Variants in INPP4B observed in about 807,000 individuals in gnomAD.
INPP4B encodes the protein inositol polyphosphate 4-phosphatase type II.
In INPP4B, 55 loss-of-function variants were observed where a neutral mutation model predicts 122.5. The observed-to-expected ratio is 0.45, with a 90% CI of 0.36 to 0.56. The LOEUF is 0.56. Among genes scored for constraint, INPP4B ranks in the 20% least tolerant of loss-of-function variants. INPP4B has a pLI of 0.00. For missense variants in INPP4B, 1,000 were observed against 1,097.7 expected (o/e 0.91, Z 1.26); for synonymous variants, 403 against 388.7 (o/e 1.04, Z -0.43).
At chr4:142,822,351 AG>A (rs1392599685) in intron 1 of INPP4B, among the ~76,000 whole-genome samples, 4 of 152,178 alleles carry the variant, frequency 2.6e-5, no homozygotes, top group African/African-American at 4.8e-5. Context: ...TGTGCCTTAA[AG>A]CAGGGGTTCC....
At position 142,301,407 on chromosome 4, in the gene INPP4B, G is replaced by A. The variant is rs982605515; in HGVS notation, c.503+4051C>T. On this transcript the variant is annotated intron_variant, in intron 9 of 25. Coordinates refer to ENST00000262992, the MANE Select transcript of INPP4B (RefSeq NM_001101669.3). ...AAATGGACAAGGAAGAAAAAATTCC[G>A]TTAGATCTTGAGCTTCCTACTAGGT... Among the ~76,000 whole-genome samples the A allele has an allele frequency of 7.2e-5, 11 of 152,060 alleles. No homozygotes were observed. The East Asian group carries it at 7.7e-4, about 11-fold the overall frequency.
chr4:142,104,134 C>T (rs1033665070), intron 23 of INPP4B, among the ~76,000 whole-genome samples: 1 of 151,914 alleles, frequency 6.6e-6, no homozygotes, highest in Non-Finnish European at 1.5e-5. Context: ...AAGATATGGG[C>T]ATTATTAGAG....
At chr4:142,689,501 C>T (rs1759847085) in intron 2 of INPP4B, among the ~76,000 whole-genome samples, 2 of 152,210 alleles carry the variant, frequency 1.3e-5, no homozygotes, top group African/African-American at 4.8e-5. Context: ...TGCTGAATTG[C>T]CCATGATAAC....
chr4:142,266,099 A>G (rs542473784), intron 10 of INPP4B, among the ~76,000 whole-genome samples: 1 of 152,216 alleles, frequency 6.6e-6, no homozygotes, highest in African/African-American at 2.4e-5. Flanking sequence ...TTATCTGCCT[A>G]TTTCTGCTCT....
At chr4:142,807,068 T>C (rs1778955864) in intron 1 of INPP4B, among the ~76,000 whole-genome samples, 1 of 152,196 alleles carries the variant, frequency 6.6e-6, no homozygotes, top group Non-Finnish European at 1.5e-5. Context: ...GCTATAAATT[T>C]TTTGTGTTTG....
intron 2 of INPP4B, among the ~76,000 whole-genome samples, chr4:142,569,691 C>T (rs1732401841): frequency 6.6e-6 from 1 of 152,040 alleles, no homozygotes; most frequent in Non-Finnish European, 1.5e-5. Context: ...AGATTCATTG[C>T]AATGTAAAAG....
intron 2 of INPP4B, among the ~76,000 whole-genome samples, chr4:142,482,506 G>A (rs1422132914): frequency 1.3e-5 from 2 of 152,074 alleles, no homozygotes; most frequent in African/African-American, 4.8e-5. Flanking sequence ...AAAACAAAAT[G>A]TATTGATCAC....
chr4:142,823,241 T>C (rs1331726472), intron 1 of INPP4B, among the ~76,000 whole-genome samples: 1 of 152,178 alleles, frequency 6.6e-6, no homozygotes, highest in Admixed American at 6.5e-5. Flanking sequence ...TTCCCCAAGA[T>C]ATTAATGAAG....
intron 18 of INPP4B, among the ~76,000 whole-genome samples, chr4:142,136,474 C>T (rs575020956): frequency 3.9e-5 from 6 of 152,250 alleles, no homozygotes; most frequent in African/African-American, 1.4e-4. Flanking sequence ...ATTGGTCTCA[C>T]ACTCACAGCC....
At position 142,208,866 on chromosome 4, in the gene INPP4B, T is replaced by G. The variant is rs557731696; in HGVS notation, c.967+30A>C. Reference sequence around the variant, plus strand: ...TTCACATGCAGGAAATGCAATTCACTTTGAGTAAGTAGAGAAATTGCTTCC... The same window carrying G: ...TTCACATGCAGGAAATGCAATTCACGTTGAGTAAGTAGAGAAATTGCTTCC... On this transcript the variant is annotated intron_variant, in intron 13 of 25. Transcript: ENST00000262992. 5.5e-6 allele frequency: 8 copies of G among 1,454,354 alleles called. No individual in the cohort carries two copies. In the South Asian group the frequency reaches 1.1e-4, roughly 21 times the overall value. 90.1% of individuals were successfully genotyped at this position (1,454,354 alleles called of 1,614,324 possible).
Position 142,086,264 on chromosome 4 carries a change from G to C in INPP4B, c.2375-8C>G. 2 of 1,445,608 alleles carry C rather than the reference G, an allele frequency of 1.4e-6. No individual in the cohort carries two copies. The highest frequency in any genetic ancestry group is 1.9e-6 in the Non-Finnish European group (2 of 1,028,808). 89.5% of individuals were successfully genotyped at this position (1,445,608 alleles called of 1,614,324 possible). A position where few individuals can be genotyped will look rare whatever the true frequency, so the allele number is the denominator to read the frequency against. ...CCTGAAAATGTGAAATATCTGAAGGGGAAAAAACAAAGGAGAAAAATAAAA... is the reference window on the plus strand; with the variant it reads ...CCTGAAAATGTGAAATATCTGAAGGCGAAAAAACAAAGGAGAAAAATAAAA... On this transcript the variant is annotated splice_polypyrimidine_tract_variant and splice_region_variant and intron_variant, in intron 23 of 25. Coordinates refer to ENST00000262992, the MANE Select transcript of INPP4B (RefSeq NM_001101669.3).
chr4:142,344,312 A>C (rs1040205476), intron 7 of INPP4B, among the ~76,000 whole-genome samples: 2 of 135,548 alleles, frequency 1.5e-5, no homozygotes, highest in Non-Finnish European at 3.5e-5. Flanking sequence ...TTTTAAAATA[A>C]AATTTTATGC....
intron 1 of INPP4B, among the ~76,000 whole-genome samples, chr4:142,823,728 GT>G (rs1230429833): frequency 1.3e-5 from 2 of 152,102 alleles, no homozygotes; most frequent in African/African-American, 4.8e-5. Context: ...GAATGATAGC[GT>G]TTTGATAAAA....
At chr4:142,628,429 G>A (rs1747063114) in intron 2 of INPP4B, among the ~76,000 whole-genome samples, 3 of 53,024 alleles carry the variant, frequency 5.7e-5, no homozygotes, top group Admixed American at 2.5e-4. Flanking sequence ...GGGGAGGGGG[G>A]AGGGATAGCA....
At chr4:142,815,253 C>T (rs1188177214) in intron 1 of INPP4B, among the ~76,000 whole-genome samples, 1 of 152,030 alleles carries the variant, frequency 6.6e-6, no homozygotes, top group Non-Finnish European at 1.5e-5. Context: ...GGAGGCATAA[C>T]AACTAAAATA....
At chr4:142,126,273 A>G (rs1798582455) in intron 18 of INPP4B, among the ~76,000 whole-genome samples, 1 of 152,166 alleles carries the variant, frequency 6.6e-6, no homozygotes, top group African/African-American at 2.4e-5. Flanking sequence ...TGATCTCCTC[A>G]TCATAAAAGT....
At chr4:142,429,303 C>A (rs923350001) in intron 4 of INPP4B, 86 bp from the exon 5 acceptor site, 2 of 699,320 alleles carry the variant, frequency 2.9e-6, no homozygotes, top group South Asian at 1.9e-5. Context: ...TTCATTGTGA[C>A]CAGAATGAAT....
intron 7 of INPP4B, among the ~76,000 whole-genome samples, chr4:142,380,161 A>G (rs1425084673): frequency 6.6e-6 from 1 of 152,214 alleles, no homozygotes; most frequent in African/African-American, 2.4e-5. Flanking sequence ...TGAAACATGA[A>G]TTACTTATCC....
intron 9 of INPP4B, among the ~76,000 whole-genome samples, chr4:142,277,090 G>A (rs1401281792): frequency 6.6e-6 from 1 of 151,534 alleles, no homozygotes; most frequent in African/African-American, 2.4e-5. Context: ...GTGATGCTGA[G>A]CATTTTTTTA....
Sources: gnomAD v4.1 joint callset for allele counts (sites outside exome capture counted in the v4.1 genomes callset) on GRCh38, gnomAD v4.1.1 for gene constraint, MANE v1.5 for transcripts, NCBI Gene and HGNC (gene_info 2026-07-23, HGNC 2026-07-21) for gene names.